The following CACNA2D3 variants were observed in gnomAD, a reference collection of about 807,000 sequenced individuals.
CACNA2D3 encodes the protein voltage-dependent calcium channel subunit alpha-2/delta-3.
In CACNA2D3, 60 loss-of-function variants were observed where a neutral mutation model predicts 160.6. The observed-to-expected ratio is 0.37, with a 90% CI of 0.30 to 0.46. The LOEUF (loss-of-function observed/expected upper bound fraction) is 0.46, where lower values mean the gene tolerates loss of function less well. CACNA2D3 is among the 20% of genes least tolerant of loss of function. CACNA2D3 has a pLI of 1.00. For missense variants in CACNA2D3, 1,205 were observed against 1,365.0 expected (o/e 0.88, Z 1.85); for synonymous variants, 558 against 492.9 (o/e 1.13, Z -1.75).
chr3:55,012,504 C>T (rs1267922804), intron 34 of CACNA2D3, among the ~76,000 whole-genome samples: 5 of 152,140 alleles, frequency 3.3e-5, no homozygotes, highest in African/African-American at 4.8e-5. Flanking sequence ...TGACCTGCCA[C>T]CACAGACATC....
chr3:55,038,907 T>TATATATATATATAC (rs1553636480), intron 35 of CACNA2D3, among the ~76,000 whole-genome samples: 2 of 113,066 alleles, frequency 1.8e-5, no homozygotes, highest in African/African-American at 6.4e-5. Context: ...TATATATATA[T>TATATATATATATAC]ACACACACTG....
intron 34 of CACNA2D3, among the ~76,000 whole-genome samples, chr3:55,014,647 G>A (rs555844132): frequency 1.2e-4 from 18 of 152,228 alleles, no homozygotes; most frequent in Admixed American, 5.2e-4. Context: ...TAGGAGAATC[G>A]TTTGAACCCA....
intron 3 of CACNA2D3, among the ~76,000 whole-genome samples, chr3:54,366,621 C>T (rs1041455023): frequency 1.1e-4 from 17 of 152,140 alleles, no homozygotes; most frequent in African/African-American, 4.1e-4. Flanking sequence ...GCACTGTGCC[C>T]ATAAAGTAGA....
chr3:54,889,567 G>A (rs775411801), intron 24 of CACNA2D3, among the ~76,000 whole-genome samples: 1 of 152,168 alleles, frequency 6.6e-6, no homozygotes, highest in African/African-American at 2.4e-5. Context: ...GCTAACACGA[G>A]AGACACTGGG....
chr3:54,837,021 C>T (rs1469562492), intron 14 of CACNA2D3, 138 bp from the exon 15 acceptor site: 1 of 713,462 alleles, frequency 1.4e-6, no homozygotes, highest in Non-Finnish European at 2.5e-6. Context: ...GTGCTCCGCG[C>T]TCCACTAAAG....
chr3:54,760,761 G>A (rs2107086818), intron 12 of CACNA2D3, among the ~76,000 whole-genome samples: 1 of 152,026 alleles, frequency 6.6e-6, no homozygotes, highest in South Asian at 2.1e-4. Context: ...AGGAAAGGAG[G>A]GATATGGAGG....
rs375652964 is a variant in CACNA2D3, at chr3:54,480,970, A to G, written c.382-22522A>G. Among the ~76,000 whole-genome samples, 12 of 152,320 alleles carry G rather than the reference A, an allele frequency of 7.9e-5. No homozygotes were observed. The South Asian group carries it at 1.2e-3, about 16-fold the overall frequency. On this transcript the variant is annotated intron_variant, in intron 4 of 37. Transcript: ENST00000474759. ...CATAGGCCTGAGGTTATTCCTCTCTATAATGACCACAGGAGTCCCTGGGTC... is the reference window on the plus strand; with the variant it reads ...CATAGGCCTGAGGTTATTCCTCTCTGTAATGACCACAGGAGTCCCTGGGTC...
chr3:54,766,119 C>T (rs1702218999), intron 13 of CACNA2D3, among the ~76,000 whole-genome samples: 1 of 152,044 alleles, frequency 6.6e-6, no homozygotes, highest in African/African-American at 2.4e-5. Context: ...ATAAGTTTGA[C>T]TACAACTTAT....
At chr3:54,433,139 G>C (rs1005322212) in intron 4 of CACNA2D3, among the ~76,000 whole-genome samples, 1 of 152,166 alleles carries the variant, frequency 6.6e-6, no homozygotes, top group Non-Finnish European at 1.5e-5. Context: ...CAACGCTGGA[G>C]GTTGGAAGAG....
chr3:55,063,225 T>C (rs1249837254), intron 35 of CACNA2D3, among the ~76,000 whole-genome samples: 3 of 151,796 alleles, frequency 2.0e-5, no homozygotes, highest in African/African-American at 7.3e-5. Flanking sequence ...TGGTAGAAGG[T>C]GAGAAAGGCA....
At chr3:54,169,987 A>G (rs1388278744) in intron 2 of CACNA2D3, among the ~76,000 whole-genome samples, 2 of 151,980 alleles carry the variant, frequency 1.3e-5, no homozygotes, top group African/African-American at 4.8e-5. Context: ...CAAGAGTTGG[A>G]GACCAGCCTG....
chr3:54,627,799 C>T lies in CACNA2D3; in HGVS notation c.976C>T (p.His326Tyr), dbSNP rs371914664. The change falls in exon 10 of 38, where the codon CAT becomes TAT. Residue 326 changes from histidine to tyrosine, a missense_variant. Physicochemically the swap from His to Tyr is moderately conservative, Grantham distance 83 (BLOSUM62 2). Coordinates refer to ENST00000474759, the MANE Select transcript of CACNA2D3 (RefSeq NM_018398.3). ...TTTGCTGTTTCAGCACTTCAGGGAG[C>T]ATCTGGACAAACTTTTCGCCAAAGG... ...DRTNKEHFREHLDKLFAKGIG... is the reference protein window; with the variant it reads ...DRTNKEHFREYLDKLFAKGIG... 7.5e-6 allele frequency: 12 copies of T among 1,609,256 alleles called. No individual in the cohort carries two copies. The highest frequency in any genetic ancestry group is 1.0e-5 in the Non-Finnish European group (12 of 1,177,488).
Position 55,004,943 on chromosome 3 carries a change from AAT to A in CACNA2D3, c.2766+106_2766+107del. 3.9e-6 allele frequency: 3 copies of A among 769,346 alleles called. No individual in the cohort carries two copies. In the South Asian group the frequency reaches 5.4e-5, roughly 14 times the overall value. The allele number at this position is 769,346 out of a possible 1,614,324, so 47.7% of individuals were successfully genotyped here. A position where few individuals can be genotyped will look rare whatever the true frequency, so the allele number is the denominator to read the frequency against. Reference sequence around the variant, plus strand: ...AGTAATCAAGTTTATCTTTTTGCAAAATCATGAACATTTTGACTTTACTCACT... The same window carrying A: ...AGTAATCAAGTTTATCTTTTTGCAAACATGAACATTTTGACTTTACTCACT... On this transcript the variant is annotated intron_variant, in intron 32 of 37. Coordinates refer to ENST00000474759, the MANE Select transcript of CACNA2D3 (RefSeq NM_018398.3).
intron 35 of CACNA2D3, among the ~76,000 whole-genome samples, chr3:55,062,392 G>T (rs1035353841): frequency 6.6e-6 from 1 of 151,074 alleles, no homozygotes; most frequent in East Asian, 2.0e-4. Flanking sequence ...GGGATAACAG[G>T]CATGAGCCAC....
At chr3:54,420,054 C>T (rs1699814237) in intron 4 of CACNA2D3, among the ~76,000 whole-genome samples, 1 of 151,910 alleles carries the variant, frequency 6.6e-6, no homozygotes, top group South Asian at 2.1e-4. Context: ...GCGTGAGCTA[C>T]TGCACCCGGC....
At chr3:54,468,555 G>C (rs755932031) in intron 4 of CACNA2D3, among the ~76,000 whole-genome samples, 1 of 152,106 alleles carries the variant, frequency 6.6e-6, no homozygotes. Context: ...TCCCCGTGGC[G>C]CCTGGAATGC....
chr3:55,038,051 A>ACT (rs1385869432), intron 35 of CACNA2D3, among the ~76,000 whole-genome samples: 12 of 151,596 alleles, frequency 7.9e-5, no homozygotes, highest in African/African-American at 2.7e-4. Context: ...TAAATTTAGG[A>ACT]CTCTCTCTCT....
chr3:54,676,946 T>C (rs1264062633), intron 11 of CACNA2D3, among the ~76,000 whole-genome samples: 4 of 152,202 alleles, frequency 2.6e-5, no homozygotes, highest in African/African-American at 9.6e-5. Context: ...ATGCATTAGT[T>C]CTGGTTCAGC....
intron 2 of CACNA2D3, among the ~76,000 whole-genome samples, chr3:54,145,454 C>A (rs1302086719): frequency 6.6e-6 from 1 of 152,122 alleles, no homozygotes; most frequent in African/African-American, 2.4e-5. Context: ...TAAAGAATTG[C>A]AGTTTTTTTC....
Sources: gnomAD v4.1 joint callset for allele counts (sites outside exome capture counted in the v4.1 genomes callset) on GRCh38, gnomAD v4.1.1 for gene constraint, MANE v1.5 for transcripts, NCBI Gene and HGNC (gene_info 2026-07-23, HGNC 2026-07-21) for gene names.